Variants in PCDHA13 observed in about 807,000 individuals in gnomAD.
The protein encoded by PCDHA13 is protocadherin alpha-13.
A neutral mutation model predicts 64.8 loss-of-function variants in PCDHA13; 54 were observed. That is an observed-to-expected ratio of 0.83 (90% CI 0.67 to 1.04). The LOEUF (loss-of-function observed/expected upper bound fraction) is 1.04, where lower values mean the gene tolerates loss of function less well. Among genes scored for constraint, PCDHA13 ranks in the 50% least tolerant of loss-of-function variants. The pLI, the probability that PCDHA13 is intolerant of heterozygous loss-of-function variation, is 0.00. For synonymous variants in PCDHA13, 587 were observed against 564.4 expected (o/e 1.04, Z -0.57); for missense variants, 1,248 against 1,254.3 (o/e 0.99, Z 0.08).
intron 1 of PCDHA13, among the ~76,000 whole-genome samples, chr5:140,895,873 G>A (rs112324080): frequency 0.13 from 19,058 of 152,088 alleles, 1,272 homozygotes; most frequent in Middle Eastern, 0.19. Context: ...GTGCAATGGC[G>A]CGATCTCGGC....
rs2059695358 is a variant in PCDHA13 at position 140,883,600 on chromosome 5, G to A, written c.1332G>A (p.Gly444=). The part of the protein sequence containing the change: ...SLWATASVSV[G]VADVNDNAPA... Reference sequence around the variant, plus strand: ...GGGCCACGGCCAGCGTGTCGGTGGGGGTGGCCGACGTGAACGACAACGCGC... The same window carrying A: ...GGGCCACGGCCAGCGTGTCGGTGGGAGTGGCCGACGTGAACGACAACGCGC... The change falls in exon 1 of 4, where the codon GGG becomes GGA. Residue 444 remains glycine (G), a synonymous_variant. Coordinates refer to ENST00000289272, the MANE Select transcript of PCDHA13 (RefSeq NM_018904.3). 6.2e-7 allele frequency: 1 copy of A among 1,613,890 alleles called. No individual in the cohort carries two copies. Among genetic ancestry groups the A allele is most frequent in the Non-Finnish European group, 8.5e-7 (1 of 1,179,948 alleles).
intron 3 of PCDHA13, among the ~76,000 whole-genome samples, chr5:140,999,861 A>G (rs1181249308): frequency 6.6e-6 from 1 of 152,184 alleles, no homozygotes; most frequent in Non-Finnish European, 1.5e-5. Flanking sequence ...TTCCGCTCCA[A>G]GATTACTGAA....
At chr5:140,928,592 T>A in intron 1 of PCDHA13, 1 of 1,614,178 alleles carries the variant, frequency 6.2e-7, no homozygotes, top group Non-Finnish European at 8.5e-7. Flanking sequence ...TCTGTCCCAG[T>A]GGAAATTGTG....
chr5:140,922,412 G>A lies in PCDHA13; in HGVS notation c.2394+37750G>A, dbSNP rs80310986. Among the ~76,000 whole-genome samples the A allele has an allele frequency of 7.3e-3, 1,117 of 152,260 alleles. 9 individuals carry two copies. Among genetic ancestry groups the A allele is most frequent in the Non-Finnish European group, 0.011 (755 of 68,032 alleles). ...CCTTGTTTTGGATTAAAAAGATCTA[G>A]GTACAGAGGCTGAGGGCAGAACTCT... is the stretch of plus-strand genomic sequence containing the variant. On this transcript the variant is annotated intron_variant, in intron 1 of 3. Coordinates refer to ENST00000289272, the MANE Select transcript of PCDHA13 (RefSeq NM_018904.3).
chr5:141,009,573 G>T, intron 3 of PCDHA13, 54 bp from the exon 4 acceptor site: 2 of 1,580,662 alleles, frequency 1.3e-6, no homozygotes, highest in South Asian at 1.2e-5. Context: ...CAGCAGTGTG[G>T]CATCAAGAGC....
Position 140,982,278 on chromosome 5 carries a change from A to G in PCDHA13, c.2454-197A>G, listed in dbSNP as rs997424016. On this transcript the variant is annotated intron_variant, in intron 2 of 3. Transcript: ENST00000289272. ...ATGTGTGTTCCTGGAATAGTATAGC[A>G]GGCAATAAGTAAGTCAGCAATGCTT... 8.2e-6 allele frequency: 8 copies of G among 980,114 alleles called. No homozygotes were observed. In the South Asian group the frequency reaches 1.1e-4, roughly 14 times the overall value. The allele number at this position is 980,114 out of a possible 1,614,324, so 60.7% of individuals were successfully genotyped here.
At chr5:140,910,959 A>C (rs1188143214) in intron 1 of PCDHA13, among the ~76,000 whole-genome samples, 1 of 151,944 alleles carries the variant, frequency 6.6e-6, no homozygotes, top group African/African-American at 2.4e-5. Flanking sequence ...CGAGTGTAGC[A>C]CACCTCCTCA....
chr5:140,967,020 C>G (rs782147091), intron 1 of PCDHA13: 4 of 1,607,570 alleles, frequency 2.5e-6, no homozygotes, highest in African/African-American at 1.3e-5. Flanking sequence ...CTGGGTGCGC[C>G]CAGTCCGCGC....
chr5:140,926,570 G>A (rs2083360845), intron 1 of PCDHA13: 1 of 267,246 alleles, frequency 3.7e-6, no homozygotes, highest in African/African-American at 2.2e-5. Flanking sequence ...TGCTACTGGA[G>A]ACAGCACCTC....
At chr5:140,962,772 T>C (rs1039768584) in intron 1 of PCDHA13, among the ~76,000 whole-genome samples, 2 of 152,336 alleles carry the variant, frequency 1.3e-5, no homozygotes, top group Admixed American at 1.3e-4. Context: ...TTTAACAAGA[T>C]GGAATTTTTA....
intron 1 of PCDHA13, among the ~76,000 whole-genome samples, chr5:140,885,388 A>G (rs1187514037): frequency 2.0e-5 from 3 of 152,166 alleles, no homozygotes; most frequent in Admixed American, 2.0e-4. Context: ...CAGTCCCTGC[A>G]AATCTAATGG....
chr5:140,929,681 AAG>A, intron 1 of PCDHA13: 1 of 302,408 alleles, frequency 3.3e-6, no homozygotes, highest in Non-Finnish European at 6.3e-6. Flanking sequence ...AAAAATATGT[AAG>A]AGTCTGCTTT....
chr5:140,923,206 A>G (rs2081227659), intron 1 of PCDHA13, among the ~76,000 whole-genome samples: 1 of 152,172 alleles, frequency 6.6e-6, no homozygotes, highest in South Asian at 2.1e-4. Flanking sequence ...TTGGGAGGCT[A>G]AGGTGAAAGG....
At chr5:140,899,693 A>G (rs1269311819) in intron 1 of PCDHA13, among the ~76,000 whole-genome samples, 1 of 152,240 alleles carries the variant, frequency 6.6e-6, no homozygotes, top group East Asian at 1.9e-4. Flanking sequence ...TGCTGGCCTC[A>G]TAAAATGAGT....
chr5:140,933,865 A>G (rs918877939), intron 1 of PCDHA13, among the ~76,000 whole-genome samples: 14 of 151,864 alleles, frequency 9.2e-5, no homozygotes, highest in African/African-American at 1.4e-4. Flanking sequence ...TTTTTCAGAT[A>G]TATGTTAGTT....
At chr5:140,998,853 T>G (rs575455675) in intron 3 of PCDHA13, among the ~76,000 whole-genome samples, 1 of 152,346 alleles carries the variant, frequency 6.6e-6, no homozygotes, top group South Asian at 2.1e-4. Flanking sequence ...GTGAGCCACA[T>G]GCCTGGCCTT....
chr5:140,885,641 T>G (rs917089389), intron 1 of PCDHA13, among the ~76,000 whole-genome samples: 10 of 152,200 alleles, frequency 6.6e-5, no homozygotes, highest in Admixed American at 6.5e-4. Context: ...GCCTTCCAAG[T>G]ATTTTGGAAC....
chr5:141,008,607 C>T (rs782227320), intron 3 of PCDHA13, among the ~76,000 whole-genome samples: 33 of 152,196 alleles, frequency 2.2e-4, no homozygotes, highest in Non-Finnish European at 3.8e-4. Flanking sequence ...CCTCTGGAAC[C>T]CCATTAACTT....
At chr5:140,980,595 A>G (rs2096897056) in intron 2 of PCDHA13, among the ~76,000 whole-genome samples, 1 of 152,222 alleles carries the variant, frequency 6.6e-6, no homozygotes, top group South Asian at 2.1e-4. Context: ...GAGCCACTGC[A>G]CTCCAGCCTG....
Sources: gnomAD v4.1 joint callset for allele counts (sites outside exome capture counted in the v4.1 genomes callset) on GRCh38, gnomAD v4.1.1 for gene constraint, MANE v1.5 for transcripts, NCBI Gene and HGNC (gene_info 2026-07-23, HGNC 2026-07-21) for gene names.